HERC2: variants seen among roughly 807,000 people sequenced by gnomAD.
The protein encoded by HERC2 is HECT and RLD domain containing E3 ubiquitin protein ligase 2, also known as E3 ubiquitin-protein ligase HERC2.
Under a neutral mutation model 537.7 loss-of-function variants are expected in HERC2, and 102 were observed. The observed-to-expected ratio is 0.19, with a 90% CI of 0.16 to 0.22. The LOEUF (loss-of-function observed/expected upper bound fraction) is 0.22. HERC2 is among the 10% of genes least tolerant of loss of function. HERC2 has a pLI of 1.00. For missense variants in HERC2, 4,236 were observed against 6,198.2 expected, an observed-to-expected ratio of 0.68 and a Z score of 10.63; for synonymous variants, 2,224 against 2,466.2, an observed-to-expected ratio of 0.90 and a Z score of 2.91.
chr15:28,140,116 A>T (rs1450272439), intron 78 of HERC2, among the ~76,000 whole-genome samples: 1 of 152,142 alleles, frequency 6.6e-6, no homozygotes, highest in East Asian at 1.9e-4. Context: ...AACATTTCAA[A>T]ACACGTAGAA....
At chr15:28,209,814 G>C (rs535517727) in intron 44 of HERC2, among the ~76,000 whole-genome samples, 14 of 152,036 alleles carry the variant, frequency 9.2e-5, no homozygotes, top group African/African-American at 2.9e-4. Context: ...CCATCATTTT[G>C]AATGGCACCA....
chr15:28,195,214 AACT>A, intron 52 of HERC2, among the ~76,000 whole-genome samples: 1 of 152,310 alleles, frequency 6.6e-6, no homozygotes, highest in African/African-American at 2.4e-5. Context: ...TATCTTCAGT[AACT>A]ACTAAAACTA....
chr15:28,239,632 G>T (rs2140719102), intron 23 of HERC2, among the ~76,000 whole-genome samples: 1 of 146,446 alleles, frequency 6.8e-6, no homozygotes, highest in African/African-American at 2.6e-5. Context: ...TGAGCCAACA[G>T]AAAGCATGCA....
At chr15:28,156,615 T>C (rs1287473258) in intron 69 of HERC2, among the ~76,000 whole-genome samples, 1 of 152,244 alleles carries the variant, frequency 6.6e-6, no homozygotes, top group East Asian at 1.9e-4. Flanking sequence ...TCCTGAGACT[T>C]TGCTGAAGTT....
At chr15:28,225,993 C>G (rs1224524052) in intron 35 of HERC2, among the ~76,000 whole-genome samples, 4 of 152,096 alleles carry the variant, frequency 2.6e-5, no homozygotes, top group Non-Finnish European at 2.9e-5. Flanking sequence ...GTCAACTCTA[C>G]CAAAGATTTA....
chr15:28,278,736 C>T lies in HERC2; in HGVS notation c.542+1332G>A, dbSNP rs188424047. Among the ~76,000 whole-genome samples, 6 of 152,310 alleles carry T rather than the reference C, an allele frequency of 3.9e-5. No individual in the cohort carries two copies. In the East Asian group the frequency reaches 9.7e-4, roughly 25 times the overall value. On this transcript the variant is annotated intron_variant, in intron 5 of 92. Transcript: ENST00000261609. ...GGGTTTTGCTCTTGTTTCTTTCTGC[C>T]TCCCGTACCTTCTATGTGCTCTCTC...
chr15:28,300,255 A>G (rs2076585370), intron 2 of HERC2, among the ~76,000 whole-genome samples: 2 of 150,808 alleles, frequency 1.3e-5, no homozygotes, highest in South Asian at 4.2e-4. Context: ...CTTCTGAAAC[A>G]TACATGACTT....
At position 28,186,846 on chromosome 15, in the gene HERC2, C is replaced by T. The variant is rs771090035; in HGVS notation, c.8650-94G>A. On this transcript the variant is annotated intron_variant, in intron 55 of 92. Coordinates refer to ENST00000261609, the MANE Select transcript of HERC2 (RefSeq NM_004667.6). ...GGGATGTGTGAGACACGAACATGTA[C>T]ACACGGTTAGAGCTCCTTTACTTCA... The T allele has an allele frequency of 6.0e-6, 5 of 831,462 alleles. No homozygotes were observed. In the South Asian group the frequency reaches 9.1e-5, roughly 15 times the overall value. 51.5% of individuals were successfully genotyped at this position (831,462 alleles called of 1,614,324 possible).
chr15:28,220,997 AG>A (rs1900470911), intron 36 of HERC2, among the ~76,000 whole-genome samples: 1 of 138,312 alleles, frequency 7.2e-6, no homozygotes, highest in Non-Finnish European at 1.5e-5. Context: ...CTCAGTTAGG[AG>A]GGTGCGTGCC....
In HERC2 at chr15:28,265,149, A is replaced by C. The variant is rs1292609334; in HGVS notation, c.1870+469T>G. On this transcript the variant is annotated intron_variant, in intron 14 of 92. Transcript: ENST00000261609. This position sits in a 1 kb window ranked among gnomAD's most constrained non-coding sequence, Gnocchi z 4.0. The stretch of plus-strand genomic sequence containing the variant: ...GAGTCATTTCTAAAATATTAACATG[A>C]CTTTAACCATCAAACCTCATCAGGT... Among the ~76,000 whole-genome samples, 1 of 152,092 alleles carries C rather than the reference A, an allele frequency of 6.6e-6. No individual in the cohort carries two copies. Among genetic ancestry groups the C allele is most frequent in the African/African-American group, 2.4e-5 (1 of 41,400 alleles).
chr15:28,216,012 CTT>C (rs879885077), intron 38 of HERC2, among the ~76,000 whole-genome samples: 1 of 145,926 alleles, frequency 6.9e-6, no homozygotes. Flanking sequence ...CTCAATTTTT[CTT>C]TTTTTTTTTA....
At chr15:28,257,739 C>T (rs1370713074) in intron 16 of HERC2, among the ~76,000 whole-genome samples, 3 of 150,460 alleles carry the variant, frequency 2.0e-5, no homozygotes, top group Admixed American at 6.6e-5. Context: ...CAACAAAATA[C>T]ATATACTTTT....
Position 28,122,743 on chromosome 15 carries a change from T to C in HERC2, c.13188+1294A>G, listed in dbSNP as rs1412603422. Among the ~76,000 whole-genome samples the C allele has an allele frequency of 6.6e-6, 1 of 152,080 alleles. No individual in the cohort carries two copies. The highest frequency in any genetic ancestry group is 6.6e-5 in the Admixed American group (1 of 15,256). The stretch of plus-strand genomic sequence containing the variant: ...GAACCGAGGCTGCCTACACATTCCC[T>C]GACCAGAGGTACCTTTCAGACGCCC... On this transcript the variant is annotated intron_variant, in intron 85 of 92. Coordinates refer to ENST00000261609, the MANE Select transcript of HERC2 (RefSeq NM_004667.6). The surrounding 1 kb of genome is among the most constrained non-coding windows in gnomAD (Gnocchi z 4.1).
chr15:28,229,068 T>C, intron 34 of HERC2, 127 bp downstream of exon 34: 1 of 903,756 alleles, frequency 1.1e-6, no homozygotes, highest in Middle Eastern at 3.4e-4. Context: ...GCAGCATAGA[T>C]TATACAAGTA....
chr15:28,292,378 A>C (rs1249915160), intron 4 of HERC2, among the ~76,000 whole-genome samples: 2 of 152,184 alleles, frequency 1.3e-5, no homozygotes, highest in Non-Finnish European at 2.9e-5. Context: ...GAGATGCTGT[A>C]CCTACTCACA....
Position 28,176,283 on chromosome 15 carries a change from C to G in HERC2, c.9686+145G>C, listed in dbSNP as rs1263945690. 9.1e-6 allele frequency: 6 copies of G among 660,064 alleles called. No individual in the cohort carries two copies. Among genetic ancestry groups the G allele is most frequent in the African/African-American group, 9.1e-5 (5 of 55,032 alleles). 40.9% of individuals were successfully genotyped at this position (660,064 alleles called of 1,614,324 possible). On this transcript the variant is annotated intron_variant, in intron 63 of 92. Transcript: ENST00000261609. This position sits in a 1 kb window ranked among gnomAD's most constrained non-coding sequence, Gnocchi z 5.0. Reference sequence around the variant, plus strand: ...TGTACTATTGTCACTAATCCCAACTCAATATCCTTTAAAGGACAAAGATGC... The same window carrying G: ...TGTACTATTGTCACTAATCCCAACTGAATATCCTTTAAAGGACAAAGATGC...
chr15:28,206,609 G>A (rs1380963735), intron 44 of HERC2, among the ~76,000 whole-genome samples: 2 of 151,622 alleles, frequency 1.3e-5, no homozygotes, highest in African/African-American at 2.4e-5. Flanking sequence ...CAAGGCGGGT[G>A]GATCACAAGG....
At chr15:28,141,355 G>A in intron 78 of HERC2, 77 bp downstream of exon 78, 1 of 1,279,482 alleles carries the variant, frequency 7.8e-7, no homozygotes, top group Non-Finnish European at 1.1e-6. Context: ...CCTTGCACGT[G>A]CTAAGAACCA....
chr15:28,319,810 C>T (rs2077184520), intron 2 of HERC2, among the ~76,000 whole-genome samples: 1 of 152,070 alleles, frequency 6.6e-6, no homozygotes, highest in Non-Finnish European at 1.5e-5. Context: ...TATTAAATTA[C>T]AATTATTAAG....
Sources: gnomAD v4.1 joint callset for allele counts (sites outside exome capture counted in the v4.1 genomes callset) on GRCh38, gnomAD v4.1.1 for gene constraint, Gnocchi (gnomAD v3.1) non-coding constraint, MANE v1.5 for transcripts, NCBI Gene and HGNC (gene_info 2026-07-23, HGNC 2026-07-21) for gene names.